DUSP16: variants seen among roughly 807,000 people sequenced by gnomAD.
The protein encoded by DUSP16 is dual specificity protein phosphatase 16.
Under a neutral mutation model 58.3 loss-of-function variants are expected in DUSP16, and 21 were observed. The observed-to-expected ratio is 0.36, with a 90% CI of 0.26 to 0.52. DUSP16 has a LOEUF of 0.52. Among genes scored for constraint, DUSP16 ranks in the 20% least tolerant of loss-of-function variants. The probability of loss-of-function intolerance (pLI) is 0.94; values close to 1 mark genes in which losing one functional copy is unlikely to be tolerated. For missense variants in DUSP16, 726 were observed against 819.0 expected, an observed-to-expected ratio of 0.89 and a Z score of 1.39; for synonymous variants, 320 against 323.8, an observed-to-expected ratio of 0.99 and a Z score of 0.12.
At chr12:12,543,050 G>T (rs1944589736) in intron 1 of DUSP16, among the ~76,000 whole-genome samples, 1 of 152,134 alleles carries the variant, frequency 6.6e-6, no homozygotes, top group African/African-American at 2.4e-5. Flanking sequence ...CAGACTTTTA[G>T]CCTTCAGAAC....
chr12:12,489,487 A>G (rs1419695073), intron 4 of DUSP16, among the ~76,000 whole-genome samples: 1 of 152,242 alleles, frequency 6.6e-6, no homozygotes, highest in Admixed American at 6.5e-5. Flanking sequence ...TCTCACCAAT[A>G]GTCCTTTCCA....
chr12:12,519,667 A>C (rs527664556), intron 3 of DUSP16, among the ~76,000 whole-genome samples, 195 bp downstream of exon 3: 1 of 152,334 alleles, frequency 6.6e-6, no homozygotes, highest in African/African-American at 2.4e-5. Flanking sequence ...GCCAAGTCAA[A>C]AATACACTGA....
At position 12,526,287 on chromosome 12, in the gene DUSP16, A is replaced by G. The variant is rs528025251; in HGVS notation, c.-365-4824T>C. On this transcript the variant is annotated intron_variant, in intron 1 of 6. Coordinates refer to ENST00000298573, the MANE Select transcript of DUSP16 (RefSeq NM_030640.3). ...GTTGTATAACAACTTTCCCCCTTTAATATACAATTTTGTCTGTTTTTATAT... is the reference window on the plus strand; with the variant it reads ...GTTGTATAACAACTTTCCCCCTTTAGTATACAATTTTGTCTGTTTTTATAT... Among the ~76,000 whole-genome samples the G allele has an allele frequency of 6.0e-5, 7 of 116,348 alleles. No homozygotes were observed. In the South Asian group the frequency reaches 2.0e-3, roughly 33 times the overall value. The allele number at this position is 116,348 out of a possible 152,430, so 76.3% of individuals were successfully genotyped here.
intron 3 of DUSP16, among the ~76,000 whole-genome samples, chr12:12,510,640 G>T (rs1190790508): frequency 6.6e-6 from 1 of 152,198 alleles, no homozygotes; most frequent in African/African-American, 2.4e-5. Context: ...ATGGAACAGT[G>T]GTGACCAAGA....
chr12:12,540,012 A>T (rs1287689104), intron 1 of DUSP16, among the ~76,000 whole-genome samples: 2 of 151,848 alleles, frequency 1.3e-5, no homozygotes, highest in Non-Finnish European at 1.5e-5. Flanking sequence ...CCAAGATCGC[A>T]CCACTGCACC....
chr12:12,537,852 T>A (rs1304356793), intron 1 of DUSP16, among the ~76,000 whole-genome samples: 4 of 152,222 alleles, frequency 2.6e-5, no homozygotes, highest in Non-Finnish European at 5.9e-5. Flanking sequence ...ATTCTTCTAA[T>A]TCTGGGGTGT....
intron 3 of DUSP16, among the ~76,000 whole-genome samples, chr12:12,511,215 G>T (rs562635255): frequency 9.9e-5 from 15 of 152,122 alleles, no homozygotes; most frequent in Non-Finnish European, 1.8e-4. Context: ...CCTGGGGGAG[G>T]AATAACATTC....
intron 1 of DUSP16, among the ~76,000 whole-genome samples, chr12:12,553,828 C>T (rs1944769346): frequency 6.6e-6 from 1 of 152,178 alleles, no homozygotes; most frequent in Admixed American, 6.5e-5. Context: ...AGCCACCATG[C>T]CTGGCCTCTT....
intron 1 of DUSP16, among the ~76,000 whole-genome samples, chr12:12,544,078 T>G (rs1029752406): frequency 6.6e-6 from 1 of 152,094 alleles, no homozygotes; most frequent in Non-Finnish European, 1.5e-5. Context: ...GTTAACACAC[T>G]CATGTAATCA....
chr12:12,515,570 C>T (rs1017166367), intron 3 of DUSP16, among the ~76,000 whole-genome samples: 30 of 151,950 alleles, frequency 2.0e-4, no homozygotes, highest in Non-Finnish European at 4.1e-4. Context: ...TCAGGTGATC[C>T]GCCCGCCTCG....
intron 3 of DUSP16, among the ~76,000 whole-genome samples, chr12:12,515,210 T>G (rs1225638662): frequency 6.6e-6 from 1 of 152,134 alleles, no homozygotes; most frequent in African/African-American, 2.4e-5. Context: ...AGAAACCCAG[T>G]TAATTTTTTT....
Position 12,473,596 on chromosome 12 carries a change from T to G in DUSP16, c.*3237A>C, listed in dbSNP as rs1053868448. Among the ~76,000 whole-genome samples, 1 of 152,182 alleles carries G rather than the reference T, an allele frequency of 6.6e-6. No individual in the cohort carries two copies. Among genetic ancestry groups the G allele is most frequent in the African/African-American group, 2.4e-5 (1 of 41,452 alleles). On this transcript the variant is annotated 3_prime_UTR_variant, in exon 7 of 7. Coordinates refer to ENST00000298573, the MANE Select transcript of DUSP16 (RefSeq NM_030640.3). ...CCCGGCCCAATCTTTCTTATAAATT[T>G]TCTTAAATGTAACTTCAACTCAACC... is the stretch of plus-strand genomic sequence containing the variant.
chr12:12,560,539 T>G (rs1378915738), intron 1 of DUSP16, among the ~76,000 whole-genome samples: 2 of 152,132 alleles, frequency 1.3e-5, no homozygotes, highest in African/African-American at 4.8e-5. Context: ...TCCACAATTT[T>G]AAAAAACAAA....
At chr12:12,490,235 G>A (rs1029032018) in intron 4 of DUSP16, among the ~76,000 whole-genome samples, 26 of 152,022 alleles carry the variant, frequency 1.7e-4, no homozygotes, top group Admixed American at 9.2e-4. Flanking sequence ...TATTTTAAAC[G>A]CAAAATGGAC....
At position 12,552,934 on chromosome 12, in the gene DUSP16, C is replaced by T. The variant is rs538458306; in HGVS notation, c.-366+9183G>A. ...TAGCTGGGATTACAGGCGCCCACCA[C>T]CACACCTGGCTAATTTTTGTATTTT... On this transcript the variant is annotated intron_variant, in intron 1 of 6. Coordinates refer to ENST00000298573, the MANE Select transcript of DUSP16 (RefSeq NM_030640.3). Among the ~76,000 whole-genome samples, 14 of 152,126 alleles carry T rather than the reference C, an allele frequency of 9.2e-5. No individual in the cohort carries two copies. In the Middle Eastern group the frequency reaches 0.01, roughly 111 times the overall value.
intron 1 of DUSP16, among the ~76,000 whole-genome samples, chr12:12,545,551 G>A (rs1944629575): frequency 6.6e-6 from 1 of 151,816 alleles, no homozygotes; most frequent in Non-Finnish European, 1.5e-5. Context: ...CAAAGTGCTG[G>A]GATTACAGGC....
intron 1 of DUSP16, among the ~76,000 whole-genome samples, chr12:12,545,739 A>G (rs925559263): frequency 1.4e-4 from 22 of 152,326 alleles, no homozygotes; most frequent in African/African-American, 4.8e-4. Context: ...AAAAATTCAA[A>G]AACAAATCCT....
chr12:12,474,369 G>A lies in DUSP16; in HGVS notation c.*2464C>T, dbSNP rs1943374809. 1 of 151,894 alleles carries A rather than the reference G, an allele frequency of 6.6e-6. No homozygotes were observed. The highest frequency in any genetic ancestry group is 2.4e-5 in the African/African-American group (1 of 41,428). The allele number at this position is 151,894 out of a possible 1,614,324, so 9.4% of individuals were successfully genotyped here. On this transcript the variant is annotated 3_prime_UTR_variant, in exon 7 of 7. Transcript: ENST00000298573. ...ACTATATTCATATTAAACATTTACAGTCTTTCCATCTAACTTTACACATGT... is the reference window on the plus strand; with the variant it reads ...ACTATATTCATATTAAACATTTACAATCTTTCCATCTAACTTTACACATGT...
intron 3 of DUSP16, among the ~76,000 whole-genome samples, chr12:12,512,102 A>G (rs1334762070): frequency 1.3e-5 from 2 of 152,230 alleles, no homozygotes; most frequent in Non-Finnish European, 2.9e-5. Context: ...GCAGATAGCA[A>G]TCGGAGAAAA....
Sources: gnomAD v4.1 joint callset for allele counts (sites outside exome capture counted in the v4.1 genomes callset) on GRCh38, gnomAD v4.1.1 for gene constraint, MANE v1.5 for transcripts, NCBI Gene and HGNC (gene_info 2026-07-23, HGNC 2026-07-21) for gene names.